WDR27: variants seen among roughly 807,000 people sequenced by gnomAD.
The protein encoded by WDR27 is WD repeat-containing protein 27.
In WDR27, 100 loss-of-function variants were observed where a neutral mutation model predicts 114.4. The ratio of observed to expected loss-of-function variants is 0.87; its 90% CI spans 0.74 to 1.03. The LOEUF is 1.03. Ranked by LOEUF, WDR27 falls within the 50% of genes least tolerant of loss-of-function variation. The pLI, the probability that WDR27 is intolerant of heterozygous loss-of-function variation, is 0.00. For missense variants in WDR27, 1,129 were observed against 1,092.9 expected, an observed-to-expected ratio of 1.03 and a Z score of -0.47; for synonymous variants, 449 against 423.1, an observed-to-expected ratio of 1.06 and a Z score of -0.75.
intron 25 of WDR27, among the ~76,000 whole-genome samples, chr6:169,570,595 T>C (rs966444965): frequency 1.3e-5 from 2 of 152,150 alleles, no homozygotes; most frequent in African/African-American, 4.8e-5. Context: ...TTGGGAGGCC[T>C]AGGCGGGCGG....
At chr6:169,501,780 T>C (rs1791278600) in intron 25 of WDR27, among the ~76,000 whole-genome samples, 1 of 152,182 alleles carries the variant, frequency 6.6e-6, no homozygotes, top group East Asian at 1.9e-4. Context: ...CTCAGTAACC[T>C]AGCGAAGCCC....
the WDR27 span, among the ~76,000 whole-genome samples, chr6:169,439,880 T>G: frequency 6.8e-6 from 1 of 146,836 alleles, no homozygotes; most frequent in Admixed American, 6.7e-5. Flanking sequence ...TATTGGTAGT[T>G]ATATTACCAA....
chr6:169,463,852 G>A (rs565036314), intron 25 of WDR27, among the ~76,000 whole-genome samples: 1 of 152,050 alleles, frequency 6.6e-6, no homozygotes, highest in Non-Finnish European at 1.5e-5. Context: ...AAATTAAATT[G>A]TACAATGAAA....
chr6:169,479,041 A>G (rs1305835583), intron 25 of WDR27, among the ~76,000 whole-genome samples: 1 of 152,238 alleles, frequency 6.6e-6, no homozygotes, highest in Non-Finnish European at 1.5e-5. Flanking sequence ...AATTGCAACA[A>G]AAGCAAAAAT....
At chr6:169,436,903 T>C in the WDR27 span, among the ~76,000 whole-genome samples, 1 of 152,078 alleles carries the variant, frequency 6.6e-6, no homozygotes, top group Non-Finnish European at 1.5e-5. Flanking sequence ...AAAATACATA[T>C]TGGTCCCGAG....
intron 25 of WDR27, among the ~76,000 whole-genome samples, chr6:169,504,635 G>A (rs1180230558): frequency 2.6e-5 from 4 of 152,070 alleles, no homozygotes; most frequent in African/African-American, 7.2e-5. Context: ...TTGAGACAGG[G>A]TCTCACTCTG....
At chr6:169,609,705 AT>A (rs1260375868) in intron 22 of WDR27, among the ~76,000 whole-genome samples, 1 of 152,094 alleles carries the variant, frequency 6.6e-6, no homozygotes, top group African/African-American at 2.4e-5. Context: ...ACATTTTCCC[AT>A]TGTCTTGGGG....
chr6:169,642,624 T>C (rs780608107), intron 17 of WDR27, among the ~76,000 whole-genome samples: 11 of 152,154 alleles, frequency 7.2e-5, no homozygotes, highest in Non-Finnish European at 1.0e-4. Context: ...GGCGGCAGCT[T>C]TGCTCATGCA....
intron 13 of WDR27, among the ~76,000 whole-genome samples, chr6:169,654,556 G>C (rs551932007): frequency 6.6e-6 from 1 of 152,332 alleles, no homozygotes; most frequent in South Asian, 2.1e-4. Flanking sequence ...CGGCTCAGGA[G>C]GGTCTCCAAA....
intron 25 of WDR27, among the ~76,000 whole-genome samples, chr6:169,523,862 T>C (rs539161175): frequency 6.6e-6 from 1 of 152,256 alleles, no homozygotes; most frequent in East Asian, 1.9e-4. Context: ...ATTGAAACCC[T>C]TTCCTCTAAG....
intron 17 of WDR27, among the ~76,000 whole-genome samples, chr6:169,641,823 C>T (rs1375291749): frequency 1.3e-5 from 2 of 152,246 alleles, no homozygotes; most frequent in Non-Finnish European, 2.9e-5. Context: ...ACAACGATCA[C>T]CGCTAGCTCC....
At chr6:169,665,254 A>G (rs1827508318) in intron 7 of WDR27, 3 of 1,297,808 alleles carry the variant, frequency 2.3e-6, no homozygotes, top group Non-Finnish European at 2.9e-6. Context: ...AGAACCACGC[A>G]TGGAGCTCTG....
chr6:169,490,247 T>C (rs1007948449), intron 25 of WDR27, among the ~76,000 whole-genome samples: 7 of 152,244 alleles, frequency 4.6e-5, no homozygotes, highest in African/African-American at 1.7e-4. Flanking sequence ...GCTGAGCCTG[T>C]GTAGACAGCA....
chr6:169,665,456 A>T lies in WDR27; in HGVS notation c.783+30T>A, dbSNP rs781779683. The T allele has an allele frequency of 1.9e-6, 3 of 1,602,760 alleles. No individual in the cohort carries two copies. The African/African-American group carries it at 4.0e-5, about 22-fold the overall frequency. On this transcript the variant is annotated intron_variant, in intron 7 of 25. Coordinates refer to ENST00000448612, the MANE Select transcript of WDR27 (RefSeq NM_182552.5). ...AAGCTCACGTTCAGGCATGTCTGGG[A>T]ACTGGAACTTAACTCTGTGGCTGTC...
At chr6:169,599,711 G>C (rs1807564777) in intron 23 of WDR27, among the ~76,000 whole-genome samples, 1 of 152,032 alleles carries the variant, frequency 6.6e-6, no homozygotes, top group South Asian at 2.1e-4. Flanking sequence ...CAAAAAACCG[G>C]CTCCTGGATT....
intron 25 of WDR27, among the ~76,000 whole-genome samples, chr6:169,504,556 G>A (rs1245477670): frequency 6.6e-6 from 1 of 152,142 alleles, no homozygotes; most frequent in Non-Finnish European, 1.5e-5. Flanking sequence ...AAATTACCCA[G>A]TCTCAGGTAT....
Position 169,613,575 on chromosome 6 carries a change from C to A in WDR27, c.2305G>T (p.Asp769Tyr), listed in dbSNP as rs749301758. The stretch of plus-strand genomic sequence containing the variant: ...CAGCCTTACCTCAGGGTTCTCAGGT[C>A]CCACAGTCTCATCCCATCGCCAATG... Reference protein sequence around the residue: ...TAIGDGMRLWDLRTLRCERHF... With the variant: ...TAIGDGMRLWYLRTLRCERHF... Residue 769 changes from aspartate to tyrosine, a missense_variant, in exon 22 of 26, where the codon GAC becomes TAC. Asp to Tyr is a radical substitution (Grantham distance 160). Coordinates refer to ENST00000448612, the MANE Select transcript of WDR27 (RefSeq NM_182552.5). 6.2e-7 allele frequency: 1 copy of A among 1,613,770 alleles called. No individual in the cohort carries two copies. The highest frequency in any genetic ancestry group is 8.5e-7 in the Non-Finnish European group (1 of 1,179,762).
At chr6:169,453,047 G>A (rs542007808), downstream of WDR27, among the ~76,000 whole-genome samples, 1 of 152,214 alleles carries the variant, frequency 6.6e-6, no homozygotes, top group African/African-American at 2.4e-5. Flanking sequence ...GCAAGGGCAC[G>A]GCCCCCAGGC....
rs984535226 is a variant in WDR27 at position 169,659,248 on chromosome 6, A to G, written c.1198-41T>C. On this transcript the variant is annotated intron_variant, in intron 11 of 25. Coordinates refer to ENST00000448612, the MANE Select transcript of WDR27 (RefSeq NM_182552.5). The surrounding 1 kb of genome is among the most constrained non-coding windows in gnomAD (Gnocchi z 4.3). ...TTCAACATCGTTAGCGACACCACCC[A>G]GTAAAAGCAGACGAAACGTGCATCC... The G allele has an allele frequency of 3.2e-6, 5 of 1,564,262 alleles. No individual in the cohort carries two copies. The African/African-American group carries it at 5.5e-5, about 17-fold the overall frequency.
Sources: allele counts gnomAD v4.1 joint callset (sites outside exome capture counted in the v4.1 genomes callset), GRCh38; gene constraint gnomAD v4.1.1; non-coding constraint Gnocchi (gnomAD v3.1); transcripts MANE v1.5; gene names NCBI Gene and HGNC (gene_info 2026-07-23, HGNC 2026-07-21).